Variants in CD99 observed in about 807,000 individuals in gnomAD.
The protein encoded by CD99 is CD99 antigen.
CD99 carries 19 observed loss-of-function variants against 28.4 expected under a neutral mutation model. That is an observed-to-expected ratio of 0.67 (90% confidence interval 0.47 to 0.98). CD99 has a LOEUF of 0.98. Among genes scored for constraint, CD99 ranks in the 50% least tolerant of loss-of-function variants. CD99 has a pLI of 0.00. For synonymous variants in CD99, 103 were observed against 92.1 expected (o/e 1.12, Z -0.67); for missense variants, 283 against 248.8 (o/e 1.14, Z -0.92).
At chrX:2,694,693 C>T (rs2047491515) in intron 1 of CD99, among the ~76,000 whole-genome samples, 1 of 151,862 alleles carries the variant, frequency 6.6e-6, no homozygotes, top group South Asian at 2.1e-4. Flanking sequence ...GCAGAGGTTG[C>T]AGTGAGCTGA....
chrX:2,722,652 G>A lies in CD99; in HGVS notation c.288G>A (p.Ala96=), dbSNP rs151333222. 88 of 1,613,936 alleles carry A rather than the reference G, an allele frequency of 5.5e-5. No homozygotes were observed. In the Middle Eastern group the frequency reaches 1.2e-3, roughly 21 times the overall value. Residue 96 remains alanine, a synonymous_variant, in exon 6 of 10, where the codon GCG becomes GCA. Transcript: ENST00000381192. The part of the protein sequence containing the change: ...SSGSFSDADL[A]DGVSGGEGKG... Reference sequence around the variant, plus strand: ...GTAGCTTTTCAGATGCTGACCTTGCGGATGGCGTTTCAGGTGGAGAAGGTA... The same window carrying A: ...GTAGCTTTTCAGATGCTGACCTTGCAGATGGCGTTTCAGGTGGAGAAGGTA...
intron 1 of CD99, among the ~76,000 whole-genome samples, chrX:2,709,751 T>C (rs866695646): frequency 6.3e-5 from 7 of 110,490 alleles, no homozygotes; most frequent in East Asian, 2.7e-4. Context: ...TACATAGACA[T>C]GCACACGTAT....
rs775005808 is a variant in CD99, at chrX:2,714,371, ATTTATT to A, written c.68-41_68-36del. The stretch of plus-strand genomic sequence containing the variant: ...TCTTTTTTATCTCTATAATATTCAA[ATTTATT>A]TTTATTTTTCTTGTTTCTAAGTTGA... On this transcript the variant is annotated intron_variant, in intron 1 of 9. Coordinates refer to ENST00000381192, the MANE Select transcript of CD99 (RefSeq NM_002414.5). The A allele has an allele frequency of 4.2e-6, 6 of 1,421,648 alleles. No homozygotes were observed. The Admixed American group carries it at 9.3e-5, about 22-fold the overall frequency. The allele number at this position is 1,421,648 out of a possible 1,614,324, so 88.1% of individuals were successfully genotyped here.
intron 1 of CD99, among the ~76,000 whole-genome samples, chrX:2,708,418 A>G (rs1196670226): frequency 1.3e-5 from 2 of 152,050 alleles, no homozygotes; most frequent in Non-Finnish European, 2.9e-5. Flanking sequence ...GGGACTCTGT[A>G]TCTGGGAGAA....
chrX:2,713,047 C>T (rs1451545185), intron 1 of CD99, among the ~76,000 whole-genome samples: 1 of 151,830 alleles, frequency 6.6e-6, no homozygotes, highest in Non-Finnish European at 1.5e-5. Context: ...CACACATGCA[C>T]AAACACACCT....
At chrX:2,723,175 A>G (rs745642383) in intron 6 of CD99, 139 bp from the exon 7 acceptor site, 4 of 844,588 alleles carry the variant, frequency 4.7e-6, no homozygotes, top group African/African-American at 1.7e-5. Flanking sequence ...TGTAATAGGC[A>G]GGACCCCAGC....
At chrX:2,691,829 C>T in intron 1 of CD99, 1 of 777,344 alleles carries the variant, frequency 1.3e-6, no homozygotes. Flanking sequence ...CGGAGGCCGC[C>T]CTGGAGTTGC....
At chrX:2,691,485 G>T (rs1391059263) in intron 1 of CD99, 58 bp downstream of exon 1, 1 of 1,527,830 alleles carries the variant, frequency 6.5e-7, no homozygotes, top group East Asian at 2.4e-5. Flanking sequence ...CGGGACTGGG[G>T]ATCCGCTTGA....
intron 8 of CD99, 199 bp from the exon 9 acceptor site, chrX:2,738,001 G>GA: frequency 1.4e-6 from 1 of 719,960 alleles, no homozygotes; most frequent in South Asian, 1.5e-5. Flanking sequence ...TGCCATGCAT[G>GA]AAAAAATACT....
chrX:2,738,290 T>A, intron 9 of CD99, 34 bp downstream of exon 9: 1 of 1,603,716 alleles, frequency 6.2e-7, no homozygotes, highest in Non-Finnish European at 8.5e-7. Context: ...CTTGCACACG[T>A]GGCCAGTGTT....
At chrX:2,724,222 C>T (rs1469895726) in intron 7 of CD99, among the ~76,000 whole-genome samples, 1 of 152,060 alleles carries the variant, frequency 6.6e-6, no homozygotes, top group Non-Finnish European at 1.5e-5. Context: ...TCGTTCTTGG[C>T]CTTCTAGAGA....
At chrX:2,702,329 C>A (rs970018516) in intron 1 of CD99, among the ~76,000 whole-genome samples, 7 of 152,088 alleles carry the variant, frequency 4.6e-5, no homozygotes, top group African/African-American at 1.4e-4. Flanking sequence ...CTACCCCTAC[C>A]CCACCCCCAG....
chrX:2,692,208 C>A (rs1416085894), intron 1 of CD99: 2 of 462,446 alleles, frequency 4.3e-6, no homozygotes, highest in Non-Finnish European at 3.8e-6. Flanking sequence ...GAAACGGAGA[C>A]CCTGCCGGAT....
intron 8 of CD99, chrX:2,733,280 C>T (rs751107005): frequency 2.8e-5 from 41 of 1,456,230 alleles, no homozygotes; most frequent in South Asian, 2.4e-5. Context: ...GGAGCCCCAG[C>T]GCACAGCAAA....
At chrX:2,718,602 C>T (rs1006261687) in intron 3 of CD99, among the ~76,000 whole-genome samples, 2 of 152,132 alleles carry the variant, frequency 1.3e-5, no homozygotes, top group African/African-American at 4.8e-5. Context: ...ATCTCCTGAC[C>T]TTGTGATCCA....
intron 3 of CD99, 158 bp from the exon 4 acceptor site, chrX:2,719,503 C>T (rs1235612276): frequency 5.8e-6 from 4 of 689,848 alleles, no homozygotes; most frequent in African/African-American, 3.6e-5. Flanking sequence ...TAAAAATGGT[C>T]AGGAATTCAC....
intron 1 of CD99, among the ~76,000 whole-genome samples, chrX:2,693,696 G>C (rs934080938): frequency 3.3e-5 from 5 of 152,108 alleles, no homozygotes; most frequent in African/African-American, 9.7e-5. Flanking sequence ...GTGTTCCTTG[G>C]TTCCTTCATA....
chrX:2,728,767 G>A (rs1488760052), intron 8 of CD99, among the ~76,000 whole-genome samples: 1 of 151,388 alleles, frequency 6.6e-6, no homozygotes, highest in Non-Finnish European at 1.5e-5. Context: ...CAACCAGGAG[G>A]TAAGGAAGGC....
intron 1 of CD99, among the ~76,000 whole-genome samples, chrX:2,700,263 T>C (rs780723975): frequency 6.6e-6 from 1 of 152,288 alleles, no homozygotes; most frequent in South Asian, 2.1e-4. Flanking sequence ...GAGAACTCCC[T>C]TGAATCCTGG....
Sources: allele counts gnomAD v4.1 joint callset (sites outside exome capture counted in the v4.1 genomes callset), GRCh38; gene constraint gnomAD v4.1.1; transcripts MANE v1.5; gene names NCBI Gene and HGNC (gene_info 2026-07-23, HGNC 2026-07-21).